AKAP10: variants seen among roughly 807,000 people sequenced by gnomAD.
The protein encoded by AKAP10 is A-kinase anchor protein 10, mitochondrial.
Under a neutral mutation model 80.8 loss-of-function variants are expected in AKAP10, and 24 were observed. The observed-to-expected ratio is 0.30, with a 90% CI of 0.22 to 0.42. AKAP10 has a LOEUF of 0.42. AKAP10 is among the 10% of genes least tolerant of loss of function. The pLI is 1.00. For missense variants in AKAP10, 661 were observed against 794.9 expected, an observed-to-expected ratio of 0.83 and a Z score of 2.03; for synonymous variants, 291 against 277.7, an observed-to-expected ratio of 1.05 and a Z score of -0.48.
chr17:19,977,524 C>T, intron 1 of AKAP10, 68 bp downstream of exon 1: 1 of 1,177,346 alleles, frequency 8.5e-7, no homozygotes, highest in Non-Finnish European at 1.1e-6. Context: ...AAAGCCCTCG[C>T]AGGCCCACCT....
chr17:19,939,595 T>C, intron 8 of AKAP10, 118 bp downstream of exon 8: 3 of 1,209,458 alleles, frequency 2.5e-6, no homozygotes, highest in Non-Finnish European at 3.4e-6. Context: ...AAGCAGCTTT[T>C]ATGCTGCCTC....
chr17:19,944,223 C>T (rs2043079707), intron 5 of AKAP10, among the ~76,000 whole-genome samples: 1 of 152,292 alleles, frequency 6.6e-6, no homozygotes, highest in South Asian at 2.1e-4. Context: ...TATGTGAGCA[C>T]TGGAATTCAT....
At chr17:19,906,366 C>A (rs1475142780) in intron 14 of AKAP10, 134 bp from the exon 15 acceptor site, 17 of 929,176 alleles carry the variant, frequency 1.8e-5, no homozygotes, top group Non-Finnish European at 2.7e-5. Context: ...AAGCTGACTA[C>A]AATTTTGTGA....
intron 8 of AKAP10, among the ~76,000 whole-genome samples, chr17:19,939,203 C>T (rs573682541): frequency 7.9e-5 from 12 of 152,252 alleles, no homozygotes; most frequent in East Asian, 3.9e-4. Context: ...TAATTAACAA[C>T]GTGCCTGAGC....
intron 12 of AKAP10, among the ~76,000 whole-genome samples, chr17:19,910,734 TA>T (rs1286360860): frequency 6.6e-6 from 1 of 152,082 alleles, no homozygotes; most frequent in Non-Finnish European, 1.5e-5. Context: ...AGCTCCTATA[TA>T]AAAGGGCTTC....
intron 7 of AKAP10, 52 bp downstream of exon 7, chr17:19,940,835 A>T: frequency 6.6e-7 from 1 of 1,523,090 alleles, no homozygotes; most frequent in African/African-American, 1.4e-5. Flanking sequence ...CAGCATTGAT[A>T]GTTAGAGGCT....
intron 4 of AKAP10, among the ~76,000 whole-genome samples, chr17:19,954,777 G>A (rs1195008063): frequency 1.3e-5 from 2 of 151,640 alleles, no homozygotes; most frequent in Non-Finnish European, 2.9e-5. Context: ...ACAGGCATAA[G>A]CCATGGCACC....
chr17:19,934,953 A>C (rs935595564), intron 9 of AKAP10, among the ~76,000 whole-genome samples: 2 of 152,232 alleles, frequency 1.3e-5, no homozygotes, highest in African/African-American at 4.8e-5. Flanking sequence ...CAGAAGTTGC[A>C]GTGTGCCAAG....
chr17:19,960,566 A>G (rs2043336214), intron 3 of AKAP10, among the ~76,000 whole-genome samples: 1 of 152,224 alleles, frequency 6.6e-6, no homozygotes, highest in Non-Finnish European at 1.5e-5. Context: ...ATTCCATGGT[A>G]TGAATGAACC....
At chr17:19,910,819 GAGCTCTACTCTATCCA>G (rs1417432831) in intron 12 of AKAP10, among the ~76,000 whole-genome samples, 1 of 152,136 alleles carries the variant, frequency 6.6e-6, no homozygotes, top group East Asian at 1.9e-4. Context: ...GAGTTTCAAA[GAGCTCTACTCTATCCA>G]AGCCAGAGTA....
chr17:19,912,494 A>G (rs2042701431), intron 12 of AKAP10, among the ~76,000 whole-genome samples: 2 of 152,178 alleles, frequency 1.3e-5, no homozygotes, highest in African/African-American at 4.8e-5. Context: ...CCAACATCGC[A>G]CCACTGCACT....
At chr17:19,936,173 C>G in intron 9 of AKAP10, 113 bp downstream of exon 9, 1 of 1,257,510 alleles carries the variant, frequency 8.0e-7, no homozygotes, top group Admixed American at 2.7e-5. Flanking sequence ...AATCACTTTG[C>G]TGGACTGCTT....
At chr17:19,938,948 T>G (rs745667252) in intron 8 of AKAP10, among the ~76,000 whole-genome samples, 5 of 152,096 alleles carry the variant, frequency 3.3e-5, no homozygotes, top group Non-Finnish European at 7.4e-5. Context: ...CCCAGGCTGG[T>G]CTCAAATTCC....
Position 19,920,060 on chromosome 17 carries a change from C to T in AKAP10, c.1810G>A (p.Glu604Lys), listed in dbSNP as rs1442594220. The T allele has an allele frequency of 6.2e-7, 1 of 1,613,396 alleles. No individual in the cohort carries two copies. Among genetic ancestry groups the T allele is most frequent in the Admixed American group, 1.7e-5 (1 of 59,980 alleles). The change falls in exon 12 of 15, where the codon GAA becomes AAA. Residue 604 changes from glutamate to lysine, a missense_variant. Physicochemically the swap from Glu to Lys is moderately conservative, Grantham distance 56. Transcript: ENST00000225737. The part of the protein sequence containing the change: ...LGQFIRESEP[E>K]PDVRKSKGSM... ...CCTTTTGATTTCCTTACATCAGGTT[C>T]AGGCTCAGATTCTCGGATGAATTGC...
At chr17:19,957,765 A>G (rs1044255520) in intron 4 of AKAP10, among the ~76,000 whole-genome samples, 4 of 152,164 alleles carry the variant, frequency 2.6e-5, no homozygotes, top group African/African-American at 7.2e-5. Context: ...AGTGGAGGGG[A>G]AAAGTAGGAC....
intron 3 of AKAP10, among the ~76,000 whole-genome samples, chr17:19,960,896 G>A (rs1368882939): frequency 6.6e-6 from 1 of 152,006 alleles, no homozygotes; most frequent in African/African-American, 2.4e-5. Flanking sequence ...CATTATGGCA[G>A]GCACCTGTCA....
intron 5 of AKAP10, 27 bp from the exon 6 acceptor site, chr17:19,941,937 A>T: frequency 6.2e-7 from 1 of 1,602,238 alleles, no homozygotes; most frequent in South Asian, 1.1e-5. Context: ...AAATAATTAA[A>T]TTGCCACTAA....
chr17:19,912,929 A>G (rs1179348862), intron 12 of AKAP10, among the ~76,000 whole-genome samples: 1 of 151,854 alleles, frequency 6.6e-6, no homozygotes, highest in East Asian at 1.9e-4. Flanking sequence ...CTGCTGTGTG[A>G]TTCCTAACAA....
At chr17:19,953,011 A>T (rs8065122) in intron 4 of AKAP10, among the ~76,000 whole-genome samples, 10,714 of 152,158 alleles carry the variant, frequency 0.07, 1,059 homozygotes, top group African/African-American at 0.22. Context: ...ATTTTAAAAA[A>T]TTTTTTAATG....
Sources: gnomAD v4.1 joint callset for allele counts (sites outside exome capture counted in the v4.1 genomes callset) on GRCh38, gnomAD v4.1.1 for gene constraint, MANE v1.5 for transcripts, NCBI Gene and HGNC (gene_info 2026-07-23, HGNC 2026-07-21) for gene names.